The following PRKN variants were observed in gnomAD, a reference collection of about 807,000 sequenced individuals.
PRKN encodes the protein E3 ubiquitin-protein ligase parkin.
A neutral mutation model predicts 59.5 loss-of-function variants in PRKN; 56 were observed. The observed-to-expected ratio is 0.94, with a 90% CI of 0.76 to 1.18. The LOEUF is 1.18. Ranked by LOEUF, PRKN falls within the 50% of genes most tolerant of loss-of-function variation. The pLI is 0.00. For synonymous variants in PRKN, 250 were observed against 222.1 expected, an observed-to-expected ratio of 1.13 and a Z score of -1.12; for missense variants, 657 against 596.4, an observed-to-expected ratio of 1.10 and a Z score of -1.06.
chr6:161,358,025 C>A (rs1784829485), intron 11 of PRKN, among the ~76,000 whole-genome samples: 1 of 152,216 alleles, frequency 6.6e-6, no homozygotes, highest in Non-Finnish European at 1.5e-5. Context: ...ACAAAATAAA[C>A]CAATCTTTCT....
intron 9 of PRKN, among the ~76,000 whole-genome samples, chr6:161,511,613 G>C (rs1778395641): frequency 6.6e-6 from 1 of 152,140 alleles, no homozygotes; most frequent in Admixed American, 6.5e-5. Context: ...AGGAATTATG[G>C]TCATACTGTC....
intron 7 of PRKN, among the ~76,000 whole-genome samples, chr6:161,611,155 A>T (rs1359832634): frequency 6.6e-6 from 1 of 152,306 alleles, no homozygotes; most frequent in East Asian, 1.9e-4. Flanking sequence ...TCTATTAATT[A>T]GGGCTGTTAA....
chr6:162,010,525 A>T lies in PRKN; in HGVS notation c.619-37108T>A, dbSNP rs867206491. Among the ~76,000 whole-genome samples, 68 of 10,192 alleles carry T rather than the reference A, an allele frequency of 6.7e-3. 6 individuals carry two copies. Among genetic ancestry groups the T allele is most frequent in the African/African-American group, 7.7e-3 (7 of 914 alleles). The allele number at this position is 10,192 out of a possible 152,430, so 6.7% of individuals were successfully genotyped here. On this transcript the variant is annotated intron_variant, in intron 5 of 11. Transcript: ENST00000366898. Reference sequence around the variant, plus strand: ...TAATATATTATATTATATATTATATAATATATTATATAATGTATTATATTA... The same window carrying T: ...TAATATATTATATTATATATTATATTATATATTATATAATGTATTATATTA...
intron 7 of PRKN, among the ~76,000 whole-genome samples, chr6:161,679,824 A>G (rs1210737033): frequency 7.8e-6 from 1 of 127,534 alleles, no homozygotes; most frequent in African/African-American, 3.1e-5. Flanking sequence ...GCACGATCTC[A>G]GCTCACTGCA....
intron 5 of PRKN, among the ~76,000 whole-genome samples, chr6:162,041,210 A>G (rs1784058440): frequency 6.6e-6 from 1 of 152,018 alleles, no homozygotes; most frequent in Non-Finnish European, 1.5e-5. Context: ...AAAAATGAAT[A>G]CCATGGAATT....
intron 2 of PRKN, among the ~76,000 whole-genome samples, chr6:162,308,689 G>C (rs576770474): frequency 6.6e-6 from 1 of 152,022 alleles, no homozygotes; most frequent in Non-Finnish European, 1.5e-5. Flanking sequence ...TCTGTTGTAC[G>C]GGTAGGGATA....
At chr6:162,657,682 T>A (rs1430718250) in intron 1 of PRKN, among the ~76,000 whole-genome samples, 1 of 152,164 alleles carries the variant, frequency 6.6e-6, no homozygotes, top group East Asian at 1.9e-4. Context: ...CTGTAATAAA[T>A]CTTTCTCATG....
At chr6:162,435,915 T>C (rs1408058135) in intron 2 of PRKN, among the ~76,000 whole-genome samples, 6 of 152,146 alleles carry the variant, frequency 3.9e-5, no homozygotes, top group Non-Finnish European at 8.8e-5. Context: ...AGAATTCTTT[T>C]ATATACAAAC....
At chr6:162,079,756 G>A (rs897055938) in intron 4 of PRKN, among the ~76,000 whole-genome samples, 10 of 152,024 alleles carry the variant, frequency 6.6e-5, no homozygotes, top group African/African-American at 1.2e-4. Flanking sequence ...AGAGTTATGC[G>A]TGATTTTGAA....
At chr6:162,420,258 A>ATG (rs1554319546) in intron 2 of PRKN, among the ~76,000 whole-genome samples, 52,891 of 139,464 alleles carry the variant, frequency 0.38, 9,776 homozygotes, top group African/African-American at 0.49. Context: ...ACATTTCACA[A>ATG]TGGCGGGGAG....
intron 2 of PRKN, among the ~76,000 whole-genome samples, chr6:162,391,248 C>T (rs892384672): frequency 3.3e-5 from 5 of 151,806 alleles, no homozygotes; most frequent in South Asian, 2.1e-4. Context: ...TTTCTTACTG[C>T]GCATGCTTGA....
chr6:161,680,726 C>CATAT (rs56954052), intron 7 of PRKN, among the ~76,000 whole-genome samples: 80 of 50,960 alleles, frequency 1.6e-3, no homozygotes, highest in African/African-American at 2.2e-3. Flanking sequence ...TCCTGAAATA[C>CATAT]ATATATATAT....
chr6:162,108,975 C>T lies in PRKN; in HGVS notation c.535-54801G>A, dbSNP rs143355075. On this transcript the variant is annotated intron_variant, in intron 4 of 11. Coordinates refer to ENST00000366898, the MANE Select transcript of PRKN (RefSeq NM_004562.3). ...AAGTGGCGGTGTACAGCAGCAGCAGCGCTGCCCCGTAGGCAGTGTGCCAGG... is the reference window on the plus strand; with the variant it reads ...AAGTGGCGGTGTACAGCAGCAGCAGTGCTGCCCCGTAGGCAGTGTGCCAGG... Among the ~76,000 whole-genome samples, 1,089 of 152,306 alleles carry T rather than the reference C, an allele frequency of 7.2e-3. 10 individuals carry two copies. Among genetic ancestry groups the T allele is most frequent in the African/African-American group, 0.025 (1,050 of 41,578 alleles).
chr6:161,737,834 A>G (rs530085630), intron 7 of PRKN, among the ~76,000 whole-genome samples: 78 of 152,328 alleles, frequency 5.1e-4, no homozygotes, highest in African/African-American at 1.8e-3. Context: ...GGCTAGTTAC[A>G]TAAGGCTGAT....
intron 2 of PRKN, among the ~76,000 whole-genome samples, chr6:162,300,162 T>C (rs1466119066): frequency 6.6e-6 from 1 of 152,144 alleles, no homozygotes; most frequent in Non-Finnish European, 1.5e-5. Flanking sequence ...AATTACTTCA[T>C]AAAATATGGA....
At chr6:162,286,109 A>T (rs879480616) in intron 2 of PRKN, among the ~76,000 whole-genome samples, 1 of 152,156 alleles carries the variant, frequency 6.6e-6, no homozygotes, top group Non-Finnish European at 1.5e-5. Context: ...TGCACAGCCA[A>T]AATTTTAAAA....
At chr6:162,691,144 T>C (rs1777758465) in intron 1 of PRKN, among the ~76,000 whole-genome samples, 1 of 152,134 alleles carries the variant, frequency 6.6e-6, no homozygotes, top group African/African-American at 2.4e-5. Flanking sequence ...GATAAGGAAT[T>C]TTTTTCATAA....
rs111912434 is a variant in PRKN at position 162,177,261 on chromosome 6, G to T, written c.534+23870C>A. Among the ~76,000 whole-genome samples the T allele has an allele frequency of 5.5e-4, 84 of 152,170 alleles. 1 individual carries two copies. The highest frequency in any genetic ancestry group is 1.9e-3 in the African/African-American group (80 of 41,550). ...ATAGAACTATAAAAATTACCTTTGA[G>T]AGAATGGCTATAAATGATTAAGAGA... is the stretch of plus-strand genomic sequence containing the variant. On this transcript the variant is annotated intron_variant, in intron 4 of 11. Coordinates refer to ENST00000366898, the MANE Select transcript of PRKN (RefSeq NM_004562.3).
At chr6:161,387,425 C>T (rs1022107087) in intron 9 of PRKN, among the ~76,000 whole-genome samples, 1 of 152,206 alleles carries the variant, frequency 6.6e-6, no homozygotes, top group Admixed American at 6.5e-5. Flanking sequence ...TTTCCTGAGG[C>T]CTACTCAGCC....
Sources: gnomAD v4.1 joint callset for allele counts (sites outside exome capture counted in the v4.1 genomes callset) on GRCh38, gnomAD v4.1.1 for gene constraint, MANE v1.5 for transcripts, NCBI Gene and HGNC (gene_info 2026-07-23, HGNC 2026-07-21) for gene names.